The following RTL4 variants were observed in gnomAD, a reference collection of about 807,000 sequenced individuals.
RTL4 encodes retrotransposon Gag like 4.
Under a neutral mutation model 5.3 loss-of-function variants are expected in RTL4, and 4 were observed. The ratio of observed to expected loss-of-function variants is 0.75; its 90% CI spans 0.37 to 1.72. The LOEUF (loss-of-function observed/expected upper bound fraction) is 1.72, where lower values mean the gene tolerates loss of function less well. RTL4 is among the 40% of genes most tolerant of loss of function. The pLI is 0.04. For synonymous variants in RTL4, 98 were observed against 87.3 expected (o/e 1.12, Z -0.68); for missense variants, 260 against 227.1 (o/e 1.14, Z -0.93).
chrX:112,447,310 A>G, the RTL4 span, among the ~76,000 whole-genome samples: 1 of 111,991 alleles, frequency 8.9e-6, no homozygotes, highest in Non-Finnish European at 1.9e-5. Context: ...TATTGTTGAT[A>G]TCTGCTGGAT....
chrX:112,439,489 C>A, the RTL4 span, among the ~76,000 whole-genome samples: 1 of 111,807 alleles, frequency 8.9e-6, no homozygotes, highest in African/African-American at 3.3e-5. Flanking sequence ...GACCTAGAAA[C>A]AAGAGGACTT....
the RTL4 span, among the ~76,000 whole-genome samples, chrX:112,199,288 CAAA>C: frequency 5.9e-5 from 2 of 34,166 alleles, no homozygotes; most frequent in African/African-American, 2.0e-4. Flanking sequence ...GGCTCCGTCT[CAAA>C]AAAAAAAAAA....
At chrX:112,365,789 C>T in the RTL4 span, among the ~76,000 whole-genome samples, 1 of 111,163 alleles carries the variant, frequency 9.0e-6, no homozygotes, top group Non-Finnish European at 1.9e-5. Context: ...GTGCACTTGG[C>T]AAAAGGTCTT....
chrX:112,376,310 T>C, the RTL4 span, among the ~76,000 whole-genome samples: 36 of 111,462 alleles, frequency 3.2e-4, no homozygotes, highest in South Asian at 0.013. Context: ...TTGACATTAA[T>C]ACCCAAAGAC....
the RTL4 span, among the ~76,000 whole-genome samples, chrX:112,149,790 G>C: frequency 1.8e-5 from 2 of 111,668 alleles, no homozygotes; most frequent in African/African-American, 6.5e-5. Flanking sequence ...AGTCTAGTGG[G>C]AGGAGAAAAG....
At chrX:112,390,649 A>G in the RTL4 span, among the ~76,000 whole-genome samples, 1 of 110,306 alleles carries the variant, frequency 9.1e-6, no homozygotes, top group Admixed American at 9.6e-5. Flanking sequence ...GTAGGGTTTC[A>G]GTTGAGAAGT....
the RTL4 span, among the ~76,000 whole-genome samples, chrX:112,408,483 A>G: frequency 9.4e-6 from 1 of 106,135 alleles, no homozygotes; most frequent in East Asian, 3.0e-4. Context: ...TAAAAAAAAG[A>G]ATTAAAAAAA....
chrX:112,345,293 A>G, the RTL4 span, among the ~76,000 whole-genome samples: 1 of 111,100 alleles, frequency 9.0e-6, no homozygotes, highest in East Asian at 2.9e-4. Context: ...GACACCTCAG[A>G]CTACAATTCC....
the RTL4 span, among the ~76,000 whole-genome samples, chrX:112,317,295 G>C: frequency 1.4e-3 from 161 of 111,688 alleles, 1 homozygote; most frequent in African/African-American, 4.2e-3. Context: ...GAGCCGAGAT[G>C]GCGCCACAGT....
the RTL4 span, among the ~76,000 whole-genome samples, chrX:112,255,044 A>T: frequency 2.7e-5 from 3 of 112,136 alleles, no homozygotes; most frequent in East Asian, 8.4e-4. Flanking sequence ...TCAGTTACTT[A>T]CAACTTAACA....
the RTL4 span, among the ~76,000 whole-genome samples, chrX:112,362,202 A>T: frequency 8.0e-5 from 9 of 112,193 alleles, no homozygotes; most frequent in Admixed American, 5.7e-4. Context: ...GGATTTGTTC[A>T]TTCATGCAAT....
At chrX:112,328,879 G>C in the RTL4 span, among the ~76,000 whole-genome samples, 2 of 111,827 alleles carry the variant, frequency 1.8e-5, no homozygotes, top group African/African-American at 6.5e-5. Context: ...CAACTACATG[G>C]AAACTGAACA....
the RTL4 span, among the ~76,000 whole-genome samples, chrX:112,275,473 A>T: frequency 1.1e-4 from 12 of 112,040 alleles, no homozygotes; most frequent in Non-Finnish European, 1.7e-4. Context: ...ATCAGCAATG[A>T]AGGCAAACAA....
the RTL4 span, among the ~76,000 whole-genome samples, chrX:112,333,421 A>C: frequency 1.2e-4 from 13 of 111,568 alleles, no homozygotes; most frequent in African/African-American, 4.2e-4. Flanking sequence ...GGAGATAGAT[A>C]GGCTAATTTG....
At chrX:112,439,934 T>C in the RTL4 span, among the ~76,000 whole-genome samples, 2 of 111,565 alleles carry the variant, frequency 1.8e-5, no homozygotes, top group Non-Finnish European at 3.8e-5. Flanking sequence ...CTTTTCTTTT[T>C]AGAAATTACC....
chrX:112,211,531 C>A, the RTL4 span, among the ~76,000 whole-genome samples: 1 of 112,182 alleles, frequency 8.9e-6, no homozygotes, highest in Non-Finnish European at 1.9e-5. Context: ...TCTTAAGGAG[C>A]TCTGCCTGTT....
chrX:112,418,040 C>T, the RTL4 span, among the ~76,000 whole-genome samples: 2,410 of 110,570 alleles, frequency 0.022, 36 homozygotes, highest in East Asian at 0.036. Context: ...CCTAGCTACT[C>T]GGGAGGCTGA....
At chrX:112,270,785 A>C in the RTL4 span, among the ~76,000 whole-genome samples, 1 of 110,540 alleles carries the variant, frequency 9.0e-6, no homozygotes, top group South Asian at 3.9e-4. Flanking sequence ...TCCAAAGTAA[A>C]GGAGGCTCTC....
chrX:112,430,423 C>G, the RTL4 span, among the ~76,000 whole-genome samples: 2 of 111,398 alleles, frequency 1.8e-5, no homozygotes, highest in Admixed American at 9.6e-5. Context: ...TTTCATCTCT[C>G]TGCTGACATT....
Sources: allele counts gnomAD v4.1 joint callset (sites outside exome capture counted in the v4.1 genomes callset), GRCh38; gene constraint gnomAD v4.1.1; transcripts MANE v1.5; gene names NCBI Gene and HGNC (gene_info 2026-07-23, HGNC 2026-07-21).